The following SYNE1 variants were observed in gnomAD, a reference collection of about 807,000 sequenced individuals.
The protein encoded by SYNE1 is spectrin repeat containing nuclear envelope protein 1.
SYNE1 carries 616 observed loss-of-function variants against 1,111.0 expected under a neutral mutation model. The observed-to-expected ratio is 0.55, with a 90% CI of 0.52 to 0.59. SYNE1 has a LOEUF of 0.59. SYNE1 is among the 20% of genes least tolerant of loss of function. The pLI is 0.00. For missense variants in SYNE1, 10,006 were observed against 10,417.0 expected (o/e 0.96, Z 1.72); for synonymous variants, 3,855 against 3,825.8 (o/e 1.01, Z -0.28).
chr6:152,242,894 C>T (rs2086100250), intron 106 of SYNE1, among the ~76,000 whole-genome samples: 1 of 152,036 alleles, frequency 6.6e-6, no homozygotes, highest in Admixed American at 6.5e-5. Context: ...AACAACTCAA[C>T]TCTTTGAAGA....
Position 152,357,618 on chromosome 6 carries a change from C to T in SYNE1, c.10608+755G>A, listed in dbSNP as rs150319705. On this transcript the variant is annotated intron_variant, in intron 66 of 145. Coordinates refer to ENST00000367255, the MANE Select transcript of SYNE1 (RefSeq NM_182961.4). Reference sequence around the variant, plus strand: ...GCCCTTCTTTGATGCTACCATAAGACCCCTTACATTAGTCTACTAATGTCC... The same window carrying T: ...GCCCTTCTTTGATGCTACCATAAGATCCCTTACATTAGTCTACTAATGTCC... Among the ~76,000 whole-genome samples, 508 of 152,216 alleles carry T rather than the reference C, an allele frequency of 3.3e-3. 1 individual carries two copies. Among genetic ancestry groups the T allele is most frequent in the Middle Eastern group, 6.8e-3 (2 of 294 alleles).
At chr6:152,356,919 T>C (rs556403573) in intron 66 of SYNE1, among the ~76,000 whole-genome samples, 3 of 152,294 alleles carry the variant, frequency 2.0e-5, no homozygotes, top group East Asian at 3.9e-4. Flanking sequence ...TTGACTTAGT[T>C]CTACACAAAA....
intron 137 of SYNE1, chr6:152,145,323 T>C: frequency 1.0e-5 from 7 of 694,858 alleles, no homozygotes; most frequent in Non-Finnish European, 1.8e-5. Context: ...TTATTCTTGG[T>C]GTGGATTTAA....
intron 145 of SYNE1, among the ~76,000 whole-genome samples, chr6:152,123,220 T>C (rs1213485868): frequency 1.3e-5 from 2 of 152,224 alleles, no homozygotes; most frequent in East Asian, 1.9e-4. Context: ...TCATAGAGCA[T>C]ACCCTGGTTT....
intron 3 of SYNE1, among the ~76,000 whole-genome samples, chr6:152,555,306 G>A (rs2099361184): frequency 6.6e-6 from 1 of 152,114 alleles, no homozygotes; most frequent in Non-Finnish European, 1.5e-5. Flanking sequence ...TACAACTGTG[G>A]TCCCATGAAA....
intron 80 of SYNE1, among the ~76,000 whole-genome samples, chr6:152,325,551 G>A (rs1563079673): frequency 1.3e-5 from 2 of 152,146 alleles, no homozygotes; most frequent in Non-Finnish European, 1.5e-5. Context: ...TGCTACTTGA[G>A]ATGACATTTT....
chr6:152,204,366 A>C (rs1243851380), intron 126 of SYNE1, among the ~76,000 whole-genome samples: 1 of 104,854 alleles, frequency 9.5e-6, no homozygotes, highest in Non-Finnish European at 1.7e-5. Flanking sequence ...ACTCTATGTC[A>C]AAAAAAAAAA....
In SYNE1 at chr6:152,222,591, T is replaced by C. The variant is rs140224923; in HGVS notation, c.21523-1032A>G. On this transcript the variant is annotated intron_variant, in intron 117 of 145. Coordinates refer to ENST00000367255, the MANE Select transcript of SYNE1 (RefSeq NM_182961.4). ...TATTTGTAGGGTACTATATGATGTT[T>C]TGATATATGTTTACATTGTGGAATG... Among the ~76,000 whole-genome samples, 1,213 of 152,360 alleles carry C rather than the reference T, an allele frequency of 8.0e-3. 9 individuals are homozygous for C. The highest frequency in any genetic ancestry group is 0.01 in the Non-Finnish European group (703 of 68,036).
chr6:152,539,918 C>G (rs760501155), intron 4 of SYNE1, 42 bp downstream of exon 4: 3 of 1,599,516 alleles, frequency 1.9e-6, no homozygotes, highest in Non-Finnish European at 1.7e-6. Flanking sequence ...GATTTACTGG[C>G]TCAACCTAAG....
At position 152,188,984 on chromosome 6, in the gene SYNE1, A is replaced by T. The variant is rs7741071; in HGVS notation, c.23301+268T>A. Among the ~76,000 whole-genome samples, 188 of 22,732 alleles carry T rather than the reference A, an allele frequency of 8.3e-3. 2 individuals carry two copies. The highest frequency in any genetic ancestry group is 0.013 in the Admixed American group (12 of 944). 14.9% of individuals were successfully genotyped at this position (22,732 alleles called of 152,430 possible). A position where few individuals can be genotyped will look rare whatever the true frequency, so the allele number is the denominator to read the frequency against. On this transcript the variant is annotated intron_variant, in intron 128 of 145. Coordinates refer to ENST00000367255, the MANE Select transcript of SYNE1 (RefSeq NM_182961.4). ...AAAAAAAAAAAAAAAAAAAAAAAAA[A>T]ATATATATATATATATATATATATA...
At chr6:152,359,228 A>G in intron 65 of SYNE1, 87 bp downstream of exon 65, 1 of 1,575,202 alleles carries the variant, frequency 6.3e-7, no homozygotes, top group Non-Finnish European at 8.7e-7. Context: ...CAAGCCTGTC[A>G]TTCTTGAACA....
chr6:152,125,310 C>T (rs1187690880), intron 145 of SYNE1: 6 of 1,550,374 alleles, frequency 3.9e-6, no homozygotes, highest in Non-Finnish European at 5.2e-6. Flanking sequence ...GAACTTGCAT[C>T]CTAAAATATT....
Position 152,484,976 on chromosome 6 carries a change from A to C in SYNE1, c.1048-4T>G. 6.2e-7 allele frequency: 1 copy of C among 1,610,450 alleles called. No homozygotes were observed. The highest frequency in any genetic ancestry group is 8.5e-7 in the Non-Finnish European group (1 of 1,178,918). The stretch of plus-strand genomic sequence containing the variant: ...GAACTCTGAAGTGCTTAAATGACTA[A>C]AAGAGGAAAAACAGCAACAGTATGG... On this transcript the variant is annotated splice_region_variant and splice_polypyrimidine_tract_variant and intron_variant, in intron 12 of 145. Transcript: ENST00000367255.
chr6:152,436,280 A>G (rs1025336158), intron 32 of SYNE1, among the ~76,000 whole-genome samples, 179 bp from the exon 33 acceptor site: 3 of 152,092 alleles, frequency 2.0e-5, no homozygotes, highest in Admixed American at 6.6e-5. Context: ...GCCAAAATAG[A>G]CACTTTGCTA....
In SYNE1 at chr6:152,346,715, T is replaced by G. The variant is rs565836868; in HGVS notation, c.12078+344A>C. On this transcript the variant is annotated intron_variant, in intron 73 of 145. Coordinates refer to ENST00000367255, the MANE Select transcript of SYNE1 (RefSeq NM_182961.4). ...GTCCCAGCTACTCGGGAGGCTGAAGTAGGAGAATGGCGTGAACCTGGGAGG... is the reference window on the plus strand; with the variant it reads ...GTCCCAGCTACTCGGGAGGCTGAAGGAGGAGAATGGCGTGAACCTGGGAGG... Among the ~76,000 whole-genome samples, 384 of 150,478 alleles carry G rather than the reference T, an allele frequency of 2.6e-3. 5 individuals carry two copies. Among genetic ancestry groups the G allele is most frequent in the East Asian group, 0.025 (125 of 5,018 alleles).
At position 152,326,534 on chromosome 6, in the gene SYNE1, C is replaced by A. The variant is rs574614311; in HGVS notation, c.15055G>T (p.Ala5019Ser). The A allele has an allele frequency of 2.5e-6, 4 of 1,614,190 alleles. No homozygotes were observed. The South Asian group carries it at 4.4e-5, about 18-fold the overall frequency. Reference protein sequence around the residue: ...LEDAQELLQLAGNGLDVESAE... With the variant: ...LEDAQELLQLSGNGLDVESAE... ...CTCTCCACGTCTAGGCCATTGCCTG[C>A]CAGCTGTAACAATTCTTGGGCATCC... Residue 5019 changes from alanine (A) to serine (S), a missense_variant, in exon 79 of 146, where the codon GCA (alanine) becomes TCA (serine). Ala to Ser is a moderately conservative substitution (Grantham distance 99). This residue lies in a region of SYNE1 where 4,955 missense variants were observed against 5,017.2 expected (regional missense o/e 0.99). Coordinates refer to ENST00000367255, the MANE Select transcript of SYNE1 (RefSeq NM_182961.4).
Position 152,310,744 on chromosome 6 carries a change from C to T in SYNE1, c.16840G>A (p.Glu5614Lys), listed in dbSNP as rs777656140. 5.0e-6 allele frequency: 8 copies of T among 1,613,992 alleles called. No homozygotes were observed. The highest frequency in any genetic ancestry group is 3.3e-5 in the South Asian group (3 of 91,074). Reference protein sequence around the residue: ...QQVAELGRETEELRQMIKIRL... With the variant: ...QQVAELGRETKELRQMIKIRL... ...ATTTTGATCATCTGTCGCAACTCCT[C>T]AGTCTCCCGTCCCAGTTCTGCCACT... is the stretch of plus-strand genomic sequence containing the variant. The change falls in exon 88 of 146, where the codon GAG becomes AAG. Residue 5614 changes from glutamate to lysine, a missense_variant. Physicochemically the swap from Glu to Lys is moderately conservative, Grantham distance 56. Coordinates refer to ENST00000367255, the MANE Select transcript of SYNE1 (RefSeq NM_182961.4).
At chr6:152,308,015 T>A (rs568382311) in intron 91 of SYNE1, among the ~76,000 whole-genome samples, 4 of 152,122 alleles carry the variant, frequency 2.6e-5, no homozygotes, top group Non-Finnish European at 4.4e-5. Context: ...GTATTTTTAG[T>A]AGAGACGGGG....
chr6:152,510,068 A>G (rs2099077253), intron 8 of SYNE1, 125 bp downstream of exon 8: 1 of 967,008 alleles, frequency 1.0e-6, no homozygotes, highest in Non-Finnish European at 1.6e-6. Context: ...AGAGTGAAAT[A>G]AGCGCTAAAG....
Sources: gnomAD v4.1 joint callset for allele counts (sites outside exome capture counted in the v4.1 genomes callset) on GRCh38, gnomAD v4.1.1 for gene constraint, gnomAD v4.1.1 regional missense constraint, MANE v1.5 for transcripts, NCBI Gene and HGNC (gene_info 2026-07-23, HGNC 2026-07-21) for gene names.